CNTN4: variants seen among roughly 807,000 people sequenced by gnomAD.
CNTN4 encodes contactin 4.
Under a neutral mutation model 122.5 loss-of-function variants are expected in CNTN4, and 77 were observed. That is an observed-to-expected ratio of 0.63 (90% CI 0.52 to 0.76). The LOEUF (loss-of-function observed/expected upper bound fraction) is 0.76. Among genes scored for constraint, CNTN4 ranks in the 30% least tolerant of loss-of-function variants. The pLI is 0.00. For missense variants in CNTN4, 1,256 were observed against 1,259.1 expected (o/e 1.00, Z 0.04); for synonymous variants, 512 against 447.0 (o/e 1.15, Z -1.83).
intron 3 of CNTN4, among the ~76,000 whole-genome samples, chr3:2,540,723 GA>G (rs1342904535): frequency 6.6e-6 from 1 of 152,014 alleles, no homozygotes; most frequent in East Asian, 1.9e-4. Flanking sequence ...CAATTACAAG[GA>G]AAAGTACAAT....
At chr3:2,170,499 C>T (rs1344561165) in intron 2 of CNTN4, among the ~76,000 whole-genome samples, 1 of 152,186 alleles carries the variant, frequency 6.6e-6, no homozygotes, top group Non-Finnish European at 1.5e-5. Context: ...AACACACTCT[C>T]CTCCTAAATG....
chr3:2,305,494 A>C (rs2042670225), intron 2 of CNTN4, among the ~76,000 whole-genome samples: 1 of 152,108 alleles, frequency 6.6e-6, no homozygotes, highest in Admixed American at 6.5e-5. Flanking sequence ...TTAGTTGCTA[A>C]ATTTAACTTA....
chr3:2,575,582 T>C (rs2079625329), intron 4 of CNTN4, among the ~76,000 whole-genome samples: 1 of 152,126 alleles, frequency 6.6e-6, no homozygotes, highest in Non-Finnish European at 1.5e-5. Flanking sequence ...TAACTTTCTT[T>C]TGTCAAGAAT....
rs2093363302 is a variant in CNTN4 at position 2,841,631 on chromosome 3, A to G, written c.454+22050A>G. Among the ~76,000 whole-genome samples, 1 of 152,134 alleles carries G rather than the reference A, an allele frequency of 6.6e-6. No homozygotes were observed. The highest frequency in any genetic ancestry group is 1.5e-5 in the Non-Finnish European group (1 of 68,012). On this transcript the variant is annotated intron_variant, in intron 7 of 24. Transcript: ENST00000418658. The surrounding 1 kb of genome is among the most constrained non-coding windows in gnomAD (Gnocchi z 4.8). Reference sequence around the variant, plus strand: ...TCAACCCTTTGTGAAGAAATCTTTTAATTTTTTGTGGGTCAGAGGCTCTTT... The same window carrying G: ...TCAACCCTTTGTGAAGAAATCTTTTGATTTTTTGTGGGTCAGAGGCTCTTT...
At chr3:2,743,836 G>A (rs374066177) in intron 5 of CNTN4, among the ~76,000 whole-genome samples, 18 of 152,090 alleles carry the variant, frequency 1.2e-4, no homozygotes, top group African/African-American at 4.3e-4. Context: ...ATGAGGTCTC[G>A]CTCTGTTGCC....
intron 6 of CNTN4, among the ~76,000 whole-genome samples, chr3:2,811,612 G>A (rs906047045): frequency 1.3e-5 from 2 of 150,066 alleles, no homozygotes; most frequent in Non-Finnish European, 1.5e-5. Context: ...ATATGTGCCC[G>A]ACCTCCTAGT....
intron 7 of CNTN4, among the ~76,000 whole-genome samples, chr3:2,864,685 G>A (rs2093704529): frequency 7.4e-6 from 1 of 135,776 alleles, no homozygotes; most frequent in Admixed American, 8.5e-5. Context: ...GTTGCAGTGA[G>A]CCAAGATCGT....
chr3:2,941,648 C>T (rs538216081), intron 13 of CNTN4, among the ~76,000 whole-genome samples: 8 of 152,272 alleles, frequency 5.3e-5, no homozygotes, highest in Non-Finnish European at 7.4e-5. Flanking sequence ...CATTTCTTGT[C>T]CAGATGGTTG....
At chr3:2,464,644 C>A (rs77018433) in intron 3 of CNTN4, among the ~76,000 whole-genome samples, 4 of 152,054 alleles carry the variant, frequency 2.6e-5, no homozygotes, top group African/African-American at 9.7e-5. Flanking sequence ...TTACATTCTT[C>A]CCAAAGAGGC....
chr3:2,884,453 C>G (rs984588155), intron 9 of CNTN4, among the ~76,000 whole-genome samples: 114 of 151,888 alleles, frequency 7.5e-4, no homozygotes, highest in African/African-American at 2.7e-3. Flanking sequence ...TTTTTTATGT[C>G]CTGAAAACTT....
chr3:2,520,494 G>A (rs771897346), intron 3 of CNTN4, among the ~76,000 whole-genome samples: 5 of 151,746 alleles, frequency 3.3e-5, no homozygotes, highest in South Asian at 2.1e-4. Flanking sequence ...GGCTGGTCTC[G>A]AACTCCTGAC....
At chr3:2,839,151 A>G (rs1057132854) in intron 7 of CNTN4, among the ~76,000 whole-genome samples, 12 of 152,240 alleles carry the variant, frequency 7.9e-5, no homozygotes, top group African/African-American at 2.4e-4. Flanking sequence ...AAACCTTGGA[A>G]ATAGAGGCCA....
chr3:2,234,382 A>T (rs1448052011), intron 2 of CNTN4, among the ~76,000 whole-genome samples: 1 of 151,508 alleles, frequency 6.6e-6, no homozygotes, highest in Non-Finnish European at 1.5e-5. Flanking sequence ...AAAAAAAAAA[A>T]AAAAAAAAAG....
At chr3:2,715,909 A>G (rs2087467258) in intron 4 of CNTN4, among the ~76,000 whole-genome samples, 1 of 152,190 alleles carries the variant, frequency 6.6e-6, no homozygotes, top group South Asian at 2.1e-4. Flanking sequence ...TTTTAGGTGA[A>G]CACAGTTAAG....
chr3:2,417,289 G>A (rs2047451830), intron 3 of CNTN4, among the ~76,000 whole-genome samples: 1 of 152,142 alleles, frequency 6.6e-6, no homozygotes, highest in Non-Finnish European at 1.5e-5. Flanking sequence ...AAAAATTCTA[G>A]ACCAGAATCC....
chr3:2,528,505 A>T (rs1163350125), intron 3 of CNTN4, among the ~76,000 whole-genome samples: 1 of 152,174 alleles, frequency 6.6e-6, no homozygotes, highest in African/African-American at 2.4e-5. Context: ...CCATGCTATG[A>T]CATTAAAATA....
At chr3:2,826,353 C>T (rs1012037112) in intron 7 of CNTN4, among the ~76,000 whole-genome samples, 17 of 152,152 alleles carry the variant, frequency 1.1e-4, no homozygotes, top group African/African-American at 4.1e-4. Context: ...CCCAGCAAAA[C>T]GTCTCTATAT....
intron 14 of CNTN4, among the ~76,000 whole-genome samples, chr3:3,005,886 A>ATT (rs1247031363): frequency 1.6e-5 from 1 of 62,824 alleles, no homozygotes; most frequent in African/African-American, 5.4e-5. Flanking sequence ...CACTGTGTAG[A>ATT]ATTTTTTTTT....
At chr3:2,847,798 T>C (rs1182129272) in intron 7 of CNTN4, among the ~76,000 whole-genome samples, 1 of 152,216 alleles carries the variant, frequency 6.6e-6, no homozygotes, top group Non-Finnish European at 1.5e-5. Context: ...GAACAGATCA[T>C]TTATAGAGAT....
Sources: gnomAD v4.1 joint callset for allele counts (sites outside exome capture counted in the v4.1 genomes callset) on GRCh38, gnomAD v4.1.1 for gene constraint, Gnocchi (gnomAD v3.1) non-coding constraint, MANE v1.5 for transcripts, NCBI Gene and HGNC (gene_info 2026-07-23, HGNC 2026-07-21) for gene names.